PTPRO: variants seen among roughly 807,000 people sequenced by gnomAD.
PTPRO encodes receptor-type tyrosine-protein phosphatase O.
Under a neutral mutation model 145.2 loss-of-function variants are expected in PTPRO, and 62 were observed. That is an observed-to-expected ratio of 0.43 (90% confidence interval 0.35 to 0.53). The LOEUF is 0.53. Among genes scored for constraint, PTPRO ranks in the 20% least tolerant of loss-of-function variants. The pLI is 0.01. For synonymous variants in PTPRO, 565 were observed against 514.7 expected, an observed-to-expected ratio of 1.10 and a Z score of -1.32; for missense variants, 1,345 against 1,482.7, an observed-to-expected ratio of 0.91 and a Z score of 1.53.
intron 12 of PTPRO, among the ~76,000 whole-genome samples, chr12:15,527,170 A>C (rs983089962): frequency 6.6e-6 from 1 of 152,172 alleles, no homozygotes; most frequent in South Asian, 2.1e-4. Context: ...CCAGAACTCA[A>C]ATACGAGGAT....
intron 12 of PTPRO, among the ~76,000 whole-genome samples, chr12:15,530,374 T>G (rs192726971): frequency 1.3e-5 from 2 of 152,128 alleles, no homozygotes; most frequent in African/African-American, 2.4e-5. Flanking sequence ...TGAGACCCGA[T>G]AGGCCTAATA....
intron 1 of PTPRO, among the ~76,000 whole-genome samples, chr12:15,353,007 GAATTT>G (rs1026457558): frequency 6.6e-6 from 1 of 152,148 alleles, no homozygotes; most frequent in Non-Finnish European, 1.5e-5. Context: ...ACTGCCTGAG[GAATTT>G]AATTTAATTG....
At chr12:15,589,431 T>G in intron 24 of PTPRO, 24 bp from the exon 25 acceptor site, 1 of 1,613,346 alleles carries the variant, frequency 6.2e-7, no homozygotes, top group Non-Finnish European at 8.5e-7. Context: ...CTGAATAATA[T>G]GCCATCGGAA....
chr12:15,422,334 A>G (rs771571990), intron 1 of PTPRO, among the ~76,000 whole-genome samples: 5 of 152,220 alleles, frequency 3.3e-5, no homozygotes, highest in Admixed American at 1.3e-4. Flanking sequence ...GAGCTTACAC[A>G]TGGTAACCAC....
intron 13 of PTPRO, among the ~76,000 whole-genome samples, chr12:15,548,314 G>A (rs1325731704): frequency 6.6e-6 from 1 of 152,182 alleles, no homozygotes; most frequent in Non-Finnish European, 1.5e-5. Context: ...GGCAGGCATT[G>A]TCACGCATTG....
intron 1 of PTPRO, among the ~76,000 whole-genome samples, chr12:15,414,975 A>C (rs1939906520): frequency 6.6e-6 from 1 of 152,206 alleles, no homozygotes; most frequent in African/African-American, 2.4e-5. Flanking sequence ...AATACCGTCT[A>C]TGAACCTCTT....
chr12:15,581,550 TTA>T, intron 22 of PTPRO, 127 bp from the exon 23 acceptor site: 8 of 1,144,000 alleles, frequency 7.0e-6, no homozygotes, highest in Non-Finnish European at 1.0e-5. Flanking sequence ...ATGGTTTGCT[TTA>T]TGTTTCATCT....
chr12:15,361,240 A>G (rs1938197447), intron 1 of PTPRO, among the ~76,000 whole-genome samples: 2 of 151,808 alleles, frequency 1.3e-5, no homozygotes, highest in African/African-American at 4.8e-5. Context: ...GATCAAGACC[A>G]GCCTGGCCAG....
chr12:15,406,232 C>G (rs1476778655), intron 1 of PTPRO, among the ~76,000 whole-genome samples: 1 of 152,176 alleles, frequency 6.6e-6, no homozygotes, highest in Non-Finnish European at 1.5e-5. Context: ...CTATCTTCTG[C>G]TGGCCACTTC....
intron 1 of PTPRO, among the ~76,000 whole-genome samples, chr12:15,439,036 G>C (rs1211854490): frequency 1.3e-5 from 2 of 152,106 alleles, no homozygotes; most frequent in African/African-American, 4.8e-5. Flanking sequence ...CTAGAGGACA[G>C]ATCATGTACA....
chr12:15,467,473 C>G (rs1371431208), intron 1 of PTPRO, among the ~76,000 whole-genome samples: 1 of 151,658 alleles, frequency 6.6e-6, no homozygotes, highest in Non-Finnish European at 1.5e-5. Flanking sequence ...CAGCCCACAA[C>G]TAATCCATTC....
intron 14 of PTPRO, among the ~76,000 whole-genome samples, chr12:15,550,673 T>G (rs904801922): frequency 6.6e-6 from 1 of 152,202 alleles, no homozygotes; most frequent in Non-Finnish European, 1.5e-5. Context: ...ACTCTACTCA[T>G]AAACTGGAGC....
At chr12:15,331,116 C>T (rs1866596190) in intron 1 of PTPRO, among the ~76,000 whole-genome samples, 1 of 152,024 alleles carries the variant, frequency 6.6e-6, no homozygotes, top group East Asian at 1.9e-4. Flanking sequence ...TTGTTAATTT[C>T]AGGCAAATAA....
At chr12:15,442,269 G>A (rs1017708252) in intron 1 of PTPRO, among the ~76,000 whole-genome samples, 25 of 152,070 alleles carry the variant, frequency 1.6e-4, no homozygotes, top group Admixed American at 1.6e-3. Context: ...CTCAGACACA[G>A]GGAAAGCTTT....
intron 23 of PTPRO, among the ~76,000 whole-genome samples, chr12:15,586,275 G>A (rs1186118702): frequency 6.6e-6 from 1 of 152,200 alleles, no homozygotes; most frequent in Non-Finnish European, 1.5e-5. Context: ...GCCCTACAGA[G>A]CATTCAGCTG....
chr12:15,586,379 C>T (rs1314979692), intron 23 of PTPRO, among the ~76,000 whole-genome samples: 1 of 152,142 alleles, frequency 6.6e-6, no homozygotes, highest in Non-Finnish European at 1.5e-5. Flanking sequence ...GATTTTTGTA[C>T]CCCACAATTA....
At chr12:15,499,943 G>T (rs150072295) in intron 4 of PTPRO, among the ~76,000 whole-genome samples, 1 of 152,228 alleles carries the variant, frequency 6.6e-6, no homozygotes, top group East Asian at 1.9e-4. Flanking sequence ...TTCTAGTACA[G>T]ATTATCAGAT....
At chr12:15,535,483 A>T (rs1943048923) in intron 12 of PTPRO, among the ~76,000 whole-genome samples, 1 of 152,228 alleles carries the variant, frequency 6.6e-6, no homozygotes, top group Non-Finnish European at 1.5e-5. Flanking sequence ...CTTATGCTTT[A>T]TCCTGACCAC....
At chr12:15,399,220 A>G (rs1028446211) in intron 1 of PTPRO, among the ~76,000 whole-genome samples, 25 of 152,342 alleles carry the variant, frequency 1.6e-4, no homozygotes, top group African/African-American at 6.0e-4. Flanking sequence ...CCTTTATAGA[A>G]AATAATAATC....
Sources: allele counts gnomAD v4.1 joint callset (sites outside exome capture counted in the v4.1 genomes callset), GRCh38; gene constraint gnomAD v4.1.1; transcripts MANE v1.5; gene names NCBI Gene and HGNC (gene_info 2026-07-23, HGNC 2026-07-21).